Variants in AGBL3 observed in about 807,000 individuals in gnomAD.
The protein encoded by AGBL3 is AGBL carboxypeptidase 3, also known as cytosolic carboxypeptidase 3.
A neutral mutation model predicts 94.5 loss-of-function variants in AGBL3; 68 were observed. The ratio of observed to expected loss-of-function variants is 0.72; its 90% CI spans 0.59 to 0.88. The LOEUF (loss-of-function observed/expected upper bound fraction) is 0.88, where lower values mean the gene tolerates loss of function less well. Ranked by LOEUF, AGBL3 falls within the 40% of genes least tolerant of loss-of-function variation. The pLI, the probability that AGBL3 is intolerant of heterozygous loss-of-function variation, is 0.00. For synonymous variants in AGBL3, 354 were observed against 370.7 expected, an observed-to-expected ratio of 0.95 and a Z score of 0.52; for missense variants, 934 against 1,103.8, an observed-to-expected ratio of 0.85 and a Z score of 2.18.
chr7:135,115,531 C>T lies in AGBL3; in HGVS notation c.2262C>T (p.Ile754=), dbSNP rs573708799. ...TQEILQYLLP[I]VHSTKNMQTT... ...AAATATTGCAGTATTTGCTCCCCAT[C>T]GTGCATAGCACTAAAAACATGCAAA... Residue 754 remains isoleucine (I), a synonymous_variant, in exon 16 of 17, where the codon ATC becomes ATT. Transcript: ENST00000436302. 3.1e-4 allele frequency: 488 copies of T among 1,551,480 alleles called. No individual in the cohort carries two copies. The highest frequency in any genetic ancestry group is 3.9e-4 in the Non-Finnish European group (445 of 1,146,844).
At chr7:135,068,398 C>A (rs1819561648) in intron 12 of AGBL3, among the ~76,000 whole-genome samples, 1 of 152,136 alleles carries the variant, frequency 6.6e-6, no homozygotes, top group Non-Finnish European at 1.5e-5. Flanking sequence ...CACAAAGATA[C>A]TCCTCGAGAA....
At chr7:134,988,699 G>T (rs751276966) in intron 2 of AGBL3, among the ~76,000 whole-genome samples, 1 of 151,606 alleles carries the variant, frequency 6.6e-6, no homozygotes, top group South Asian at 2.1e-4. Flanking sequence ...GTGCAATGGC[G>T]CGATCTCGGC....
chr7:135,013,897 T>TA (rs1440051741), intron 4 of AGBL3, among the ~76,000 whole-genome samples: 1 of 151,970 alleles, frequency 6.6e-6, no homozygotes, highest in Non-Finnish European at 1.5e-5. Context: ...CCTAAAAAGA[T>TA]AAAAACCAAA....
intron 4 of AGBL3, among the ~76,000 whole-genome samples, chr7:135,006,033 CAA>C (rs1369134969): frequency 2.0e-5 from 3 of 151,472 alleles, no homozygotes; most frequent in African/African-American, 7.3e-5. Flanking sequence ...TAGAGCTAAG[CAA>C]AGAGTTCTTA....
chr7:135,014,334 A>C (rs1182060799), intron 4 of AGBL3, among the ~76,000 whole-genome samples: 3 of 151,706 alleles, frequency 2.0e-5, no homozygotes, highest in East Asian at 3.8e-4. Flanking sequence ...GATAAAAATA[A>C]TTACTTATAA....
intron 11 of AGBL3, 125 bp downstream of exon 11, chr7:135,046,036 T>C: frequency 1.5e-6 from 1 of 675,718 alleles, no homozygotes; most frequent in Non-Finnish European, 2.5e-6. Flanking sequence ...GGAAAATTTC[T>C]CCCATGCCCA....
At chr7:134,996,136 C>T (rs115580493) in intron 4 of AGBL3, among the ~76,000 whole-genome samples, 3 of 152,258 alleles carry the variant, frequency 2.0e-5, no homozygotes, top group South Asian at 2.1e-4. Flanking sequence ...GCACAGGATA[C>T]GGTGCAGCAA....
intron 16 of AGBL3, chr7:135,128,917 T>G (rs1828333909): frequency 6.6e-7 from 1 of 1,505,260 alleles, no homozygotes; most frequent in South Asian, 1.1e-5. Context: ...AATAGTAATT[T>G]GTTCCTGTGC....
chr7:135,105,637 T>C (rs777280589), intron 15 of AGBL3, among the ~76,000 whole-genome samples: 7 of 152,362 alleles, frequency 4.6e-5, no homozygotes, highest in Non-Finnish European at 1.0e-4. Context: ...ACTATAGCCC[T>C]ATAATATAGT....
In AGBL3 at chr7:135,080,272, C is replaced by T. The variant is rs1193073889; in HGVS notation, c.2038+12C>T. On this transcript the variant is annotated intron_variant, in intron 14 of 16. Coordinates refer to ENST00000436302, the MANE Select transcript of AGBL3 (RefSeq NM_178563.4). ...TTCTGATGTGAAAGGTAATATTCTG[C>T]TTCTACCTTCTCATAAACAATTAAT... 8.4e-6 allele frequency: 13 copies of T among 1,543,226 alleles called. No individual in the cohort carries two copies. The highest frequency in any genetic ancestry group is 1.1e-5 in the Non-Finnish European group (13 of 1,140,260).
intron 5 of AGBL3, among the ~76,000 whole-genome samples, chr7:135,020,553 T>G (rs4617100): frequency 0.93 from 141,461 of 152,164 alleles, 66,559 homozygotes; most frequent in Non-Finnish European, 1. Flanking sequence ...GCGATCCCGT[T>G]ACTGGGTATA....
chr7:135,051,668 T>C (rs1817889312), intron 11 of AGBL3, among the ~76,000 whole-genome samples: 1 of 152,146 alleles, frequency 6.6e-6, no homozygotes, highest in Non-Finnish European at 1.5e-5. Context: ...CATAATTATA[T>C]TTCCAGTTCA....
At chr7:135,044,266 ATATT>A in intron 9 of AGBL3, 115 bp downstream of exon 9, 2 of 970,170 alleles carry the variant, frequency 2.1e-6, no homozygotes, top group South Asian at 8.0e-5. Flanking sequence ...AATAATACTA[ATATT>A]TAATCAATTC....
intron 12 of AGBL3, among the ~76,000 whole-genome samples, chr7:135,075,333 G>A (rs1293893179): frequency 2.0e-5 from 3 of 152,090 alleles, no homozygotes; most frequent in Non-Finnish European, 4.4e-5. Context: ...AATATGTAAC[G>A]TGCTGGGATT....
chr7:135,017,358 G>A lies in AGBL3; in HGVS notation c.418+199G>A, dbSNP rs1172529669. ...GAAGGTGTATTGCAGTTTATGCAAA[G>A]TTACTTTAAAATTAAACATCATGTT... On this transcript the variant is annotated intron_variant, in intron 5 of 16. Transcript: ENST00000436302. 3.3e-5 allele frequency among the ~76,000 whole-genome samples: 5 copies of A among 152,270 alleles called. No individual in the cohort carries two copies. In the South Asian group the frequency reaches 1.0e-3, roughly 32 times the overall value.
At chr7:135,013,473 G>A (rs1813397813) in intron 4 of AGBL3, among the ~76,000 whole-genome samples, 2 of 152,148 alleles carry the variant, frequency 1.3e-5, no homozygotes, top group African/African-American at 4.8e-5. Flanking sequence ...TTAGAGAACA[G>A]TATACAGATG....
intron 12 of AGBL3, among the ~76,000 whole-genome samples, chr7:135,069,083 T>C (rs1242979035): frequency 6.6e-6 from 1 of 152,112 alleles, no homozygotes; most frequent in South Asian, 2.1e-4. Flanking sequence ...AATCCTAGTC[T>C]CTGATAAAAC....
chr7:135,109,954 C>A (rs1180359463), intron 15 of AGBL3, among the ~76,000 whole-genome samples: 1 of 152,188 alleles, frequency 6.6e-6, no homozygotes, highest in African/African-American at 2.4e-5. Context: ...TGACTGGTGA[C>A]CCTGGTTGAG....
chr7:135,083,671 G>T (rs9649608), intron 15 of AGBL3, among the ~76,000 whole-genome samples: 66,867 of 151,812 alleles, frequency 0.44, 15,393 homozygotes, highest in East Asian at 0.78. Flanking sequence ...GGTGTAATAC[G>T]GGATCATGAA....
Sources: allele counts gnomAD v4.1 joint callset (sites outside exome capture counted in the v4.1 genomes callset), GRCh38; gene constraint gnomAD v4.1.1; transcripts MANE v1.5; gene names NCBI Gene and HGNC (gene_info 2026-07-23, HGNC 2026-07-21).